Variants in MYH10 observed in about 807,000 individuals in gnomAD.
The protein encoded by MYH10 is myosin heavy chain 10.
MYH10 carries 55 observed loss-of-function variants against 257.8 expected under a neutral mutation model. That is an observed-to-expected ratio of 0.21 (90% CI 0.17 to 0.27). The LOEUF (loss-of-function observed/expected upper bound fraction) is 0.27, where lower values mean the gene tolerates loss of function less well. Ranked by LOEUF, MYH10 falls within the 10% of genes least tolerant of loss-of-function variation. The pLI, the probability that MYH10 is intolerant of heterozygous loss-of-function variation, is 1.00. For missense variants in MYH10, 1,631 were observed against 2,500.6 expected (o/e 0.65, Z 7.42); for synonymous variants, 854 against 921.7 (o/e 0.93, Z 1.33).
chr17:8,622,162 C>T (rs995558603), intron 2 of MYH10, among the ~76,000 whole-genome samples: 2 of 152,184 alleles, frequency 1.3e-5, no homozygotes, highest in Non-Finnish European at 2.9e-5. Context: ...GTTTAAGTCC[C>T]ACACGTGCCA....
intron 3 of MYH10, among the ~76,000 whole-genome samples, chr17:8,602,932 T>G (rs1302550120): frequency 2.0e-5 from 3 of 152,226 alleles, no homozygotes; most frequent in Non-Finnish European, 4.4e-5. Context: ...ATTCTAGCAC[T>G]AAAAATGATA....
Position 8,500,919 on chromosome 17 carries a change from TTCC to T in MYH10, c.3648_3650del (p.Glu1217del). The T allele has an allele frequency of 6.2e-7, 1 of 1,614,188 alleles. No individual in the cohort carries two copies. Among genetic ancestry groups the T allele is most frequent in the Non-Finnish European group, 8.5e-7 (1 of 1,180,034 alleles). On this transcript the variant is annotated inframe_deletion, in exon 29 of 43. Transcript: ENST00000360416. ...GGATTTGAGCTTCATGGTTCTTAGT[TTCC>T]TCCTCAAGAGCTTTCTTCAGCTCTG...
intron 37 of MYH10, among the ~76,000 whole-genome samples, chr17:8,481,662 C>G (rs77335253): frequency 6.6e-6 from 1 of 152,164 alleles, no homozygotes; most frequent in South Asian, 2.1e-4. Flanking sequence ...TTTGCTGTCA[C>G]CTCCAACGTA....
intron 7 of MYH10, chr17:8,561,210 C>T (rs1304335103): frequency 3.9e-6 from 3 of 770,978 alleles, no homozygotes; most frequent in Middle Eastern, 2.6e-4. Context: ...GGCCTCTCCT[C>T]TCCGGTCCGT....
At chr17:8,586,596 C>T (rs190890119) in intron 4 of MYH10, among the ~76,000 whole-genome samples, 10 of 152,216 alleles carry the variant, frequency 6.6e-5, no homozygotes, top group African/African-American at 2.2e-4. Flanking sequence ...CCCCTTTGTA[C>T]CCAAGAAGAG....
chr17:8,548,408 G>T lies in MYH10; in HGVS notation c.1064C>A (p.Ser355Ter). Residue 355 changes from serine to a stop codon, truncating the protein, a stop_gained and splice_region_variant, in exon 11 of 43, where the codon TCA (serine) becomes TAA (stop). Transcript: ENST00000360416. LOFTEE classifies it high-confidence loss of function. ...CACTGAAGATACTACTTTAAGCATT[G>T]CTTCATATTGATAAAAAGAAAAAAA... is the stretch of plus-strand genomic sequence containing the variant. ...IMGFSHEEIL[S>*]MLKVVSSVLQ... is the part of the protein sequence containing the mutation. The T allele has an allele frequency of 6.4e-7, 1 of 1,552,456 alleles. No individual in the cohort carries two copies. The highest frequency in any genetic ancestry group is 8.7e-7 in the Non-Finnish European group (1 of 1,154,170).
At chr17:8,486,847 C>T (rs150810514) in intron 36 of MYH10, among the ~76,000 whole-genome samples, 97 of 152,298 alleles carry the variant, frequency 6.4e-4, no homozygotes, top group African/African-American at 2.1e-3. Flanking sequence ...AACAAAACTT[C>T]TGCTAAAGAT....
rs1239465454 is a variant in MYH10 at position 8,504,163 on chromosome 17, G to C, written c.3599+531C>G. Among the ~76,000 whole-genome samples the C allele has an allele frequency of 6.6e-6, 1 of 152,192 alleles. No individual in the cohort carries two copies. The highest frequency in any genetic ancestry group is 1.5e-5 in the Non-Finnish European group (1 of 68,024). On this transcript the variant is annotated intron_variant, in intron 28 of 42. Transcript: ENST00000360416. This position sits in a 1 kb window ranked among gnomAD's most constrained non-coding sequence, Gnocchi z 5.6. The stretch of plus-strand genomic sequence containing the variant: ...TTTTTCATGCCCGCCCTGGCTGCTG[G>C]CTCATGATGCTGCATATGCCTCTGC...
At chr17:8,496,179 C>A (rs546169604) in intron 30 of MYH10, among the ~76,000 whole-genome samples, 2 of 152,112 alleles carry the variant, frequency 1.3e-5, no homozygotes, top group African/African-American at 4.8e-5. Flanking sequence ...TAATTTTTGA[C>A]GACAGTGGGT....
At chr17:8,538,227 C>T (rs1056453128) in intron 14 of MYH10, among the ~76,000 whole-genome samples, 7 of 152,254 alleles carry the variant, frequency 4.6e-5, no homozygotes, top group African/African-American at 1.7e-4. Flanking sequence ...TTTTTTGAGA[C>T]GGAGTCTCGC....
intron 7 of MYH10, among the ~76,000 whole-genome samples, chr17:8,558,074 T>G (rs2082866766): frequency 6.6e-6 from 1 of 152,126 alleles, no homozygotes; most frequent in Non-Finnish European, 1.5e-5. Context: ...TAATTAAGAG[T>G]CGCATAATAA....
chr17:8,493,683 G>C, intron 32 of MYH10, 50 bp downstream of exon 32: 1 of 1,566,734 alleles, frequency 6.4e-7, no homozygotes, highest in Non-Finnish European at 8.6e-7. Context: ...GCCAGGATCT[G>C]CTGAAGGCAC....
At chr17:8,489,994 G>A (rs1244276775) in intron 35 of MYH10, among the ~76,000 whole-genome samples, 1 of 152,088 alleles carries the variant, frequency 6.6e-6, no homozygotes, top group African/African-American at 2.4e-5. Flanking sequence ...ACAGACATCT[G>A]CCGAATCACC....
intron 17 of MYH10, among the ~76,000 whole-genome samples, chr17:8,526,885 A>G (rs1359275187): frequency 1.3e-5 from 2 of 152,190 alleles, no homozygotes; most frequent in Admixed American, 6.5e-5. Context: ...CTGGAAACCA[A>G]AAAAGGGGGA....
intron 4 of MYH10, among the ~76,000 whole-genome samples, chr17:8,588,814 G>T (rs572636413): frequency 2.0e-5 from 3 of 152,150 alleles, no homozygotes; most frequent in Non-Finnish European, 4.4e-5. Flanking sequence ...TTACTGAAAC[G>T]TCCAGTAGGC....
chr17:8,534,268 G>A (rs2082081194), intron 16 of MYH10, among the ~76,000 whole-genome samples: 1 of 152,108 alleles, frequency 6.6e-6, no homozygotes, highest in South Asian at 2.1e-4. Context: ...AAGATTAAAG[G>A]CTTCTGTTTT....
In MYH10 at chr17:8,611,522, G is replaced by C. The variant is rs148938325; in HGVS notation, c.346-6540C>G. Among the ~76,000 whole-genome samples the C allele has an allele frequency of 4.1e-3, 619 of 152,030 alleles. 2 individuals carry two copies. The highest frequency in any genetic ancestry group is 7.5e-3 in the South Asian group (36 of 4,806). ...TGACTGAGAATTCTGACAGAGAACT[G>C]GAAACTATTAAAGGAAAAACCCAAA... On this transcript the variant is annotated intron_variant, in intron 2 of 42. Transcript: ENST00000360416.
intron 3 of MYH10, among the ~76,000 whole-genome samples, chr17:8,602,390 C>T (rs1006835066): frequency 6.6e-6 from 1 of 152,228 alleles, no homozygotes. Flanking sequence ...GGTCAGGCTA[C>T]TGATCCTCTT....
intron 6 of MYH10, among the ~76,000 whole-genome samples, chr17:8,570,419 T>C (rs1351945356): frequency 6.6e-6 from 1 of 152,200 alleles, no homozygotes; most frequent in Non-Finnish European, 1.5e-5. Context: ...TTGGTGTCTT[T>C]ACTTATATGT....
Sources: gnomAD v4.1 joint callset for allele counts (sites outside exome capture counted in the v4.1 genomes callset) on GRCh38, gnomAD v4.1.1 for gene constraint, Gnocchi (gnomAD v3.1) non-coding constraint, MANE v1.5 for transcripts, NCBI Gene and HGNC (gene_info 2026-07-23, HGNC 2026-07-21) for gene names.